POFUT3: variants seen among roughly 807,000 people sequenced by gnomAD.
The protein encoded by POFUT3 is protein O-fucosyltransferase 3, also known as GDP-fucose protein O-fucosyltransferase 3.
At chr8:33,427,410 T>C in the POFUT3 span, among the ~76,000 whole-genome samples, 1 of 151,756 alleles carries the variant, frequency 6.6e-6, no homozygotes, top group Non-Finnish European at 1.5e-5. Flanking sequence ...AAGCCCCGTC[T>C]CTACTAAAAA....
At chr8:33,436,742 T>C in the POFUT3 span, 2 of 637,406 alleles carry the variant, frequency 3.1e-6, no homozygotes, top group Non-Finnish European at 5.6e-6. Flanking sequence ...GCCTCCTCCT[T>C]GCAGCACGGA....
chr8:33,365,946 C>T, the POFUT3 span, among the ~76,000 whole-genome samples: 1 of 152,194 alleles, frequency 6.6e-6, no homozygotes, highest in Non-Finnish European at 1.5e-5. Context: ...GCTATAAAGA[C>T]ACAGGCACAT....
the POFUT3 span, among the ~76,000 whole-genome samples, chr8:33,331,663 TTTG>T: frequency 9.9e-3 from 1,495 of 151,404 alleles, 9 homozygotes; most frequent in Non-Finnish European, 0.015. Context: ...CTCTAAAGAT[TTTG>T]TTGTTGTTGT....
At chr8:33,312,782 A>G in the POFUT3 span, among the ~76,000 whole-genome samples, 1 of 152,084 alleles carries the variant, frequency 6.6e-6, no homozygotes. Flanking sequence ...CTTTCCTTTC[A>G]TCTTTCTGAA....
At chr8:33,413,674 C>T in the POFUT3 span, among the ~76,000 whole-genome samples, 1 of 152,196 alleles carries the variant, frequency 6.6e-6, no homozygotes, top group Non-Finnish European at 1.5e-5. Context: ...GTCCTTATTG[C>T]ACCAACTAAG....
chr8:33,357,495 A>T, the POFUT3 span, among the ~76,000 whole-genome samples: 1 of 147,852 alleles, frequency 6.8e-6, no homozygotes, highest in Non-Finnish European at 1.5e-5. Flanking sequence ...TCCTCTTGCA[A>T]ATATATATAT....
the POFUT3 span, among the ~76,000 whole-genome samples, chr8:33,309,089 G>GGCTGTT: frequency 1.5e-5 from 2 of 137,032 alleles, no homozygotes; most frequent in East Asian, 4.2e-4. Flanking sequence ...CTGGAGCCCC[G>GGCTGTT]GCTGTTGCTT....
At chr8:33,355,817 G>A in the POFUT3 span, among the ~76,000 whole-genome samples, 1 of 151,700 alleles carries the variant, frequency 6.6e-6, no homozygotes, top group Non-Finnish European at 1.5e-5. Flanking sequence ...GCTATCCCTC[G>A]CCCCTCCCCC....
chr8:33,432,353 G>A, the POFUT3 span, among the ~76,000 whole-genome samples: 1 of 150,682 alleles, frequency 6.6e-6, no homozygotes, highest in South Asian at 2.1e-4. Context: ...GTTCCAGTGA[G>A]CCAAGATCGC....
chr8:33,384,762 A>C, the POFUT3 span, among the ~76,000 whole-genome samples: 4 of 152,294 alleles, frequency 2.6e-5, no homozygotes, highest in Middle Eastern at 6.8e-3. Context: ...CAGAGGTTGC[A>C]GTAAGCCAAG....
At chr8:33,419,438 C>G in the POFUT3 span, among the ~76,000 whole-genome samples, 1 of 152,110 alleles carries the variant, frequency 6.6e-6, no homozygotes, top group Non-Finnish European at 1.5e-5. Flanking sequence ...AAATCCTTTG[C>G]ATGTGCATGA....
chr8:33,393,805 C>T, the POFUT3 span, among the ~76,000 whole-genome samples: 1 of 152,168 alleles, frequency 6.6e-6, no homozygotes, highest in Non-Finnish European at 1.5e-5. Flanking sequence ...GAAATGTTAG[C>T]CAGCTTTAGC....
the POFUT3 span, among the ~76,000 whole-genome samples, chr8:33,390,809 C>T: frequency 6.6e-6 from 1 of 152,160 alleles, no homozygotes; most frequent in Admixed American, 6.5e-5. Flanking sequence ...GTGACCCTAG[C>T]ATCCACGGGA....
chr8:33,431,983 A>T, the POFUT3 span, among the ~76,000 whole-genome samples: 1 of 152,182 alleles, frequency 6.6e-6, no homozygotes, highest in South Asian at 2.1e-4. Context: ...CATAAAGAGC[A>T]CAAATTTGGG....
At chr8:33,468,600 A>T in the POFUT3 span, among the ~76,000 whole-genome samples, 1 of 152,368 alleles carries the variant, frequency 6.6e-6, no homozygotes, top group South Asian at 2.1e-4. Context: ...TAGGCTGAGG[A>T]GATGCCTAAA....
At chr8:33,457,699 T>C in the POFUT3 span, among the ~76,000 whole-genome samples, 1 of 152,146 alleles carries the variant, frequency 6.6e-6, no homozygotes, top group Non-Finnish European at 1.5e-5. Flanking sequence ...TGAAATGCTA[T>C]TATGTCCTGG....
At chr8:33,354,325 G>T in the POFUT3 span, among the ~76,000 whole-genome samples, 20 of 152,164 alleles carry the variant, frequency 1.3e-4, no homozygotes, top group African/African-American at 4.8e-4. Context: ...AACGAGGAGG[G>T]TTGGTGGTGT....
the POFUT3 span, among the ~76,000 whole-genome samples, chr8:33,355,613 T>C: frequency 6.6e-6 from 1 of 152,226 alleles, no homozygotes; most frequent in African/African-American, 2.4e-5. Context: ...ATGTTATATT[T>C]ATATTGATAT....
At chr8:33,444,047 A>G in the POFUT3 span, among the ~76,000 whole-genome samples, 2 of 151,156 alleles carry the variant, frequency 1.3e-5, no homozygotes, top group Middle Eastern at 6.8e-3. Flanking sequence ...CAGTAGGGCT[A>G]TAGCAATGAA....
Sources: allele counts gnomAD v4.1 joint callset (sites outside exome capture counted in the v4.1 genomes callset), GRCh38; gene constraint gnomAD v4.1.1; transcripts MANE v1.5; gene names NCBI Gene and HGNC (gene_info 2026-07-23, HGNC 2026-07-21).